AGBL1: variants seen among roughly 807,000 people sequenced by gnomAD.
AGBL1 encodes the protein AGBL carboxypeptidase 1.
A neutral mutation model predicts 118.9 loss-of-function variants in AGBL1; 130 were observed. The ratio of observed to expected loss-of-function variants is 1.09; its 90% CI spans 0.95 to 1.26. The LOEUF (loss-of-function observed/expected upper bound fraction) is 1.26, where lower values mean the gene tolerates loss of function less well. Ranked by LOEUF, AGBL1 falls within the 50% of genes most tolerant of loss-of-function variation. The pLI is 0.00. For synonymous variants in AGBL1, 555 were observed against 478.9 expected, an observed-to-expected ratio of 1.16 and a Z score of -2.08; for missense variants, 1,584 against 1,298.1, an observed-to-expected ratio of 1.22 and a Z score of -3.38.
At chr15:87,001,271 T>G (rs1373497508) in intron 24 of AGBL1, among the ~76,000 whole-genome samples, 1 of 151,646 alleles carries the variant, frequency 6.6e-6, no homozygotes, top group Non-Finnish European at 1.5e-5. Context: ...CTATGTTGAA[T>G]AGGAGTGGTG....
intron 23 of AGBL1, among the ~76,000 whole-genome samples, chr15:86,927,559 C>T (rs1259078516): frequency 6.6e-6 from 1 of 152,090 alleles, no homozygotes; most frequent in African/African-American, 2.4e-5. Context: ...TGCACTCCAA[C>T]CTGGGTGACA....
At chr15:86,502,393 CT>C (rs2082927868) in intron 18 of AGBL1, among the ~76,000 whole-genome samples, 1 of 151,430 alleles carries the variant, frequency 6.6e-6, no homozygotes, top group Non-Finnish European at 1.5e-5. Context: ...GATAGTATTA[CT>C]TTTTCCTTTC....
chr15:86,282,668 A>G (rs921320697), intron 16 of AGBL1, among the ~76,000 whole-genome samples: 1 of 152,222 alleles, frequency 6.6e-6, no homozygotes, highest in African/African-American at 2.4e-5. Flanking sequence ...AAATGAGTAC[A>G]TTCTGTAATG....
At chr15:86,273,989 T>G (rs943207947) in intron 15 of AGBL1, among the ~76,000 whole-genome samples, 10 of 152,228 alleles carry the variant, frequency 6.6e-5, no homozygotes, top group African/African-American at 2.4e-4. Context: ...CTCCAAACTA[T>G]TTTGACAATG....
At chr15:86,649,787 T>C (rs2469185) in intron 21 of AGBL1, among the ~76,000 whole-genome samples, 133,565 of 150,080 alleles carry the variant, frequency 0.89, 59,622 homozygotes, top group East Asian at 1. Flanking sequence ...GGGGGGCTTA[T>C]AATATAATGC....
At chr15:86,778,810 G>T (rs2078293819) in intron 22 of AGBL1, among the ~76,000 whole-genome samples, 1 of 152,176 alleles carries the variant, frequency 6.6e-6, no homozygotes, top group Non-Finnish European at 1.5e-5. Context: ...ATGGGATTAA[G>T]AGATTAAAGT....
At chr15:86,978,254 G>C (rs909044271) in intron 23 of AGBL1, among the ~76,000 whole-genome samples, 5 of 152,098 alleles carry the variant, frequency 3.3e-5, no homozygotes, top group Non-Finnish European at 7.4e-5. Context: ...ATACACTAAG[G>C]TTCAGAGAAT....
chr15:86,335,306 T>A (rs1431517685), intron 17 of AGBL1, among the ~76,000 whole-genome samples: 1 of 151,942 alleles, frequency 6.6e-6, no homozygotes, highest in Non-Finnish European at 1.5e-5. Context: ...GCCCAGCTAA[T>A]TTTTTGTATT....
chr15:86,768,616 GAC>G (rs1286209933), intron 22 of AGBL1, among the ~76,000 whole-genome samples: 1 of 151,954 alleles, frequency 6.6e-6, no homozygotes, highest in East Asian at 1.9e-4. Context: ...AGGGAAGCCT[GAC>G]CTGACAACCT....
At chr15:86,465,791 A>G (rs1293939089) in intron 18 of AGBL1, among the ~76,000 whole-genome samples, 1 of 152,158 alleles carries the variant, frequency 6.6e-6, no homozygotes, top group Non-Finnish European at 1.5e-5. Flanking sequence ...ATCAATGACA[A>G]TGTGTGCCCA....
At chr15:86,698,509 A>G (rs2086301112) in intron 22 of AGBL1, among the ~76,000 whole-genome samples, 1 of 151,874 alleles carries the variant, frequency 6.6e-6, no homozygotes, top group Non-Finnish European at 1.5e-5. Flanking sequence ...AGTGTTTCCA[A>G]TGATGTTCTT....
intron 18 of AGBL1, among the ~76,000 whole-genome samples, chr15:86,478,241 G>C (rs1227362284): frequency 2.0e-5 from 3 of 152,124 alleles, no homozygotes; most frequent in Admixed American, 1.3e-4. Context: ...GGGCAATCAG[G>C]CAGGAGAAAG....
intron 18 of AGBL1, among the ~76,000 whole-genome samples, chr15:86,506,686 G>A (rs980155796): frequency 6.6e-5 from 10 of 152,192 alleles, no homozygotes; most frequent in African/African-American, 2.2e-4. Context: ...CGATGACAGA[G>A]TGAAAGGAGA....
chr15:86,322,327 T>C (rs1310955321), intron 17 of AGBL1, among the ~76,000 whole-genome samples: 1 of 152,088 alleles, frequency 6.6e-6, no homozygotes, highest in Non-Finnish European at 1.5e-5. Context: ...TTTGAGACTA[T>C]GATGTTAGGT....
At chr15:86,661,201 G>C (rs891439234) in intron 21 of AGBL1, among the ~76,000 whole-genome samples, 2 of 151,994 alleles carry the variant, frequency 1.3e-5, no homozygotes, top group African/African-American at 2.4e-5. Flanking sequence ...TCCTTAATAC[G>C]CATAAGATCA....
chr15:87,020,427 C>G (rs530015394), intron 24 of AGBL1, among the ~76,000 whole-genome samples: 4 of 152,242 alleles, frequency 2.6e-5, no homozygotes, highest in Admixed American at 6.5e-5. Flanking sequence ...AAGCATTCCC[C>G]TTGAAAACTA....
At chr15:87,029,500 C>G (rs960718818), downstream of AGBL1, among the ~76,000 whole-genome samples, 4 of 114,130 alleles carry the variant, frequency 3.5e-5, no homozygotes, top group African/African-American at 5.2e-5. Flanking sequence ...ATAATAATAA[C>G]AACAACGACA....
chr15:86,582,363 C>G (rs952214343), intron 21 of AGBL1, among the ~76,000 whole-genome samples: 1 of 152,050 alleles, frequency 6.6e-6, no homozygotes, highest in Non-Finnish European at 1.5e-5. Flanking sequence ...AAAGCCCTAG[C>G]CTTTGTAATT....
intron 22 of AGBL1, among the ~76,000 whole-genome samples, chr15:86,772,755 T>C (rs2078199470): frequency 6.6e-6 from 1 of 152,070 alleles, no homozygotes; most frequent in Non-Finnish European, 1.5e-5. Context: ...TTTGAAGATG[T>C]TGTAATCAGC....
Sources: allele counts gnomAD v4.1 joint callset (sites outside exome capture counted in the v4.1 genomes callset), GRCh38; gene constraint gnomAD v4.1.1; transcripts MANE v1.5; gene names NCBI Gene and HGNC (gene_info 2026-07-23, HGNC 2026-07-21).